The following EEIG2 variants were observed in gnomAD, a reference collection of about 807,000 sequenced individuals.
The protein encoded by EEIG2 is EEIG family member 2, also known as family with sequence similarity 102 member B.
chr1:108,562,636 A>G, the EEIG2 span, among the ~76,000 whole-genome samples: 1 of 152,188 alleles, frequency 6.6e-6, no homozygotes, highest in African/African-American at 2.4e-5. Flanking sequence ...TCTGTATGTA[A>G]AATAGAAACC....
chr1:108,598,829 GAT>G, the EEIG2 span, among the ~76,000 whole-genome samples: 1 of 151,954 alleles, frequency 6.6e-6, no homozygotes, highest in Admixed American at 6.6e-5. Flanking sequence ...TCTGTGTACT[GAT>G]GGAGAAATCA....
chr1:108,601,726 A>G, the EEIG2 span, among the ~76,000 whole-genome samples: 6 of 152,238 alleles, frequency 3.9e-5, no homozygotes, highest in Non-Finnish European at 8.8e-5. Context: ...ACACTTGGCA[A>G]AAAAACTATA....
the EEIG2 span, chr1:108,628,254 AAGTATCAGGT>A: frequency 6.2e-7 from 1 of 1,614,164 alleles, no homozygotes; most frequent in Non-Finnish European, 8.5e-7. Context: ...CAGCAGTCAA[AAGTATCAGGT>A]AGAGGCTAAC....
the EEIG2 span, chr1:108,560,321 C>A: frequency 1.1e-6 from 1 of 908,532 alleles, no homozygotes; most frequent in Non-Finnish European, 1.3e-6. Context: ...CGCGCCCCCG[C>A]GCACAGCTCG....
chr1:108,635,283 C>G, the EEIG2 span: 1 of 1,145,872 alleles, frequency 8.7e-7, no homozygotes. Flanking sequence ...GGTTTCTTCT[C>G]TGGAAGGACC....
the EEIG2 span, chr1:108,628,809 G>C: frequency 6.2e-7 from 1 of 1,608,302 alleles, no homozygotes; most frequent in Non-Finnish European, 8.5e-7. Context: ...CGGAAGGTGT[G>C]TAGGTAACTG....
the EEIG2 span, among the ~76,000 whole-genome samples, chr1:108,613,433 G>A: frequency 6.6e-5 from 10 of 152,080 alleles, no homozygotes; most frequent in African/African-American, 1.4e-4. Context: ...TTATTTCCTC[G>A]TATTTCTTAT....
the EEIG2 span, chr1:108,600,672 G>T: frequency 6.2e-7 from 1 of 1,608,250 alleles, no homozygotes; most frequent in Non-Finnish European, 8.5e-7. Flanking sequence ...TATCTACAGA[G>T]TATCCGTGAG....
the EEIG2 span, among the ~76,000 whole-genome samples, chr1:108,588,003 C>A: frequency 1.3e-5 from 2 of 152,084 alleles, no homozygotes; most frequent in Non-Finnish European, 2.9e-5. Flanking sequence ...ATAATATCCT[C>A]CTGGTTCATC....
chr1:108,576,353 A>G, the EEIG2 span, among the ~76,000 whole-genome samples: 1 of 151,208 alleles, frequency 6.6e-6, no homozygotes, highest in Non-Finnish European at 1.5e-5. Context: ...TGTGCAGGTT[A>G]GTTACATATG....
At chr1:108,637,409 T>C in the EEIG2 span, 2 of 152,038 alleles carry the variant, frequency 1.3e-5, no homozygotes, top group African/African-American at 4.8e-5. Flanking sequence ...TCGCTAAGGG[T>C]TGCCTAAGTG....
chr1:108,598,259 A>C, the EEIG2 span, among the ~76,000 whole-genome samples: 7 of 146,276 alleles, frequency 4.8e-5, no homozygotes, highest in Admixed American at 1.4e-4. Flanking sequence ...GCTTGAGCCC[A>C]GGAGGCGGAG....
the EEIG2 span, among the ~76,000 whole-genome samples, chr1:108,576,203 A>C: frequency 6.6e-6 from 1 of 152,158 alleles, no homozygotes; most frequent in Non-Finnish European, 1.5e-5. Context: ...AAACTAATAT[A>C]ATTCCTGGAC....
At chr1:108,572,358 A>G in the EEIG2 span, among the ~76,000 whole-genome samples, 3 of 151,936 alleles carry the variant, frequency 2.0e-5, no homozygotes, top group Non-Finnish European at 4.4e-5. Flanking sequence ...AGCCTCCCCC[A>G]CTAGCAACAT....
the EEIG2 span, chr1:108,638,501 G>T: frequency 6.6e-6 from 1 of 152,222 alleles, no homozygotes; most frequent in African/African-American, 2.4e-5. Flanking sequence ...ACTCTGAAGT[G>T]TCAGGCTTCC....
chr1:108,621,746 G>C, the EEIG2 span, among the ~76,000 whole-genome samples: 1 of 152,124 alleles, frequency 6.6e-6, no homozygotes, highest in Non-Finnish European at 1.5e-5. Flanking sequence ...TCAGCCATCA[G>C]TGATTAATGA....
At chr1:108,632,744 A>T in the EEIG2 span, among the ~76,000 whole-genome samples, 4 of 151,504 alleles carry the variant, frequency 2.6e-5, no homozygotes, top group East Asian at 7.7e-4. Context: ...TAATATACTC[A>T]GTAAGCCCTG....
At chr1:108,628,527 C>G in the EEIG2 span, 1 of 1,614,058 alleles carries the variant, frequency 6.2e-7, no homozygotes, top group South Asian at 1.1e-5. Context: ...CAGAAAATCG[C>G]TGAGCCAAAT....
the EEIG2 span, among the ~76,000 whole-genome samples, chr1:108,603,473 A>G: frequency 2.6e-5 from 4 of 152,236 alleles, no homozygotes; most frequent in East Asian, 5.8e-4. Flanking sequence ...CCCAGCCTCC[A>G]GTCCGCTCAA....
Sources: gnomAD v4.1 joint callset for allele counts (sites outside exome capture counted in the v4.1 genomes callset) on GRCh38, gnomAD v4.1.1 for gene constraint, MANE v1.5 for transcripts, NCBI Gene and HGNC (gene_info 2026-07-23, HGNC 2026-07-21) for gene names.